LARS2: variants seen among roughly 807,000 people sequenced by gnomAD.
LARS2 encodes the protein leucine--tRNA ligase, mitochondrial.
A neutral mutation model predicts 116.6 loss-of-function variants in LARS2; 81 were observed. The observed-to-expected ratio is 0.69, with a 90% confidence interval of 0.58 to 0.84. LARS2 has a LOEUF of 0.84. LARS2 is among the 40% of genes least tolerant of loss of function. The pLI, the probability that LARS2 is intolerant of heterozygous loss-of-function variation, is 0.00. For missense variants in LARS2, 968 were observed against 1,114.5 expected (o/e 0.87, Z 1.87); for synonymous variants, 396 against 407.2 (o/e 0.97, Z 0.33).
At chr3:45,474,571 T>C (rs1699582108) in intron 9 of LARS2, among the ~76,000 whole-genome samples, 1 of 152,226 alleles carries the variant, frequency 6.6e-6, no homozygotes, top group Non-Finnish European at 1.5e-5. Context: ...AATGATTCCA[T>C]TTAAAGATGG....
At chr3:45,465,290 C>T (rs1181172248) in intron 8 of LARS2, among the ~76,000 whole-genome samples, 3 of 152,220 alleles carry the variant, frequency 2.0e-5, no homozygotes, top group Non-Finnish European at 4.4e-5. Context: ...CTTTTCTCTC[C>T]TAAGCTATTC....
At chr3:45,457,450 G>A (rs910553986) in intron 7 of LARS2, among the ~76,000 whole-genome samples, 13 of 152,160 alleles carry the variant, frequency 8.5e-5, no homozygotes, top group Non-Finnish European at 1.3e-4. Context: ...AGGCCAAGGC[G>A]GGTGGATCAC....
intron 7 of LARS2, among the ~76,000 whole-genome samples, chr3:45,453,436 G>C (rs1415197537): frequency 6.6e-6 from 1 of 152,198 alleles, no homozygotes; most frequent in Non-Finnish European, 1.5e-5. Flanking sequence ...TTATGAGTCT[G>C]TCTTTAGCTG....
At chr3:45,442,964 G>A (rs1698938297) in intron 6 of LARS2, among the ~76,000 whole-genome samples, 1 of 152,024 alleles carries the variant, frequency 6.6e-6, no homozygotes, top group South Asian at 2.1e-4. Flanking sequence ...TTTGTTCTGG[G>A]GACTGTCTTG....
intron 19 of LARS2, among the ~76,000 whole-genome samples, chr3:45,523,640 C>CT (rs1700488557): frequency 1.3e-5 from 2 of 151,840 alleles, no homozygotes; most frequent in African/African-American, 2.4e-5. Context: ...GATCCTCCCA[C>CT]TTCAGCCTCC....
At chr3:45,434,655 C>A (rs1285898004) in intron 6 of LARS2, among the ~76,000 whole-genome samples, 1 of 152,192 alleles carries the variant, frequency 6.6e-6, no homozygotes, top group East Asian at 1.9e-4. Flanking sequence ...TCTATTGAAA[C>A]CGAGATATTT....
intron 19 of LARS2, among the ~76,000 whole-genome samples, chr3:45,521,560 CAT>C (rs1293030145): frequency 5.9e-5 from 9 of 152,120 alleles, no homozygotes; most frequent in Admixed American, 2.6e-4. Flanking sequence ...AAATTTATAA[CAT>C]GTCAGACAGA....
At chr3:45,436,335 G>A (rs1452864306) in intron 6 of LARS2, among the ~76,000 whole-genome samples, 3 of 148,446 alleles carry the variant, frequency 2.0e-5, no homozygotes, top group Admixed American at 1.3e-4. Context: ...TTAAATTAAT[G>A]TTCTTTCTTT....
chr3:45,533,138 A>G (rs1700643241), intron 20 of LARS2, among the ~76,000 whole-genome samples: 1 of 113,710 alleles, frequency 8.8e-6, no homozygotes, highest in Non-Finnish European at 1.8e-5. Context: ...GGTCACATTA[A>G]GTCTTTTTTT....
chr3:45,395,662 C>T (rs1182996954), intron 3 of LARS2, among the ~76,000 whole-genome samples: 2 of 152,156 alleles, frequency 1.3e-5, no homozygotes, highest in Non-Finnish European at 2.9e-5. Context: ...TGCACAAGAC[C>T]ACACCTCTCT....
intron 4 of LARS2, among the ~76,000 whole-genome samples, chr3:45,405,259 G>T (rs1484913199): frequency 6.6e-6 from 1 of 152,120 alleles, no homozygotes; most frequent in Non-Finnish European, 1.5e-5. Context: ...CAACCATCAT[G>T]TCAGGTTTTT....
chr3:45,498,477 A>G (rs1025525917), intron 14 of LARS2, among the ~76,000 whole-genome samples: 1 of 152,252 alleles, frequency 6.6e-6, no homozygotes, highest in Non-Finnish European at 1.5e-5. Context: ...TCACGAAGAA[A>G]AAAAGTGTTT....
chr3:45,409,466 TG>T (rs1698291422), intron 4 of LARS2, among the ~76,000 whole-genome samples: 1 of 152,162 alleles, frequency 6.6e-6, no homozygotes, highest in African/African-American at 2.4e-5. Context: ...TGTACAAGGC[TG>T]GCAAGGGAAG....
intron 20 of LARS2, among the ~76,000 whole-genome samples, chr3:45,529,464 G>A (rs1298430265): frequency 3.3e-5 from 5 of 151,002 alleles, no homozygotes; most frequent in South Asian, 2.1e-4. Flanking sequence ...CAGGAGAATC[G>A]CTTGAACCCA....
In LARS2 at chr3:45,547,332, T is replaced by C; in HGVS notation, c.2533-19T>C. 6.3e-7 allele frequency: 1 copy of C among 1,589,684 alleles called. No homozygotes were observed. The highest frequency in any genetic ancestry group is 8.6e-7 in the Non-Finnish European group (1 of 1,168,332). ...TGAGGATGTTCCTCATTGTTTATCT[T>C]GGCTTTTCTCCTTCTCAGATCAACA... On this transcript the variant is annotated intron_variant, in intron 21 of 21. Transcript: ENST00000645846.
intron 14 of LARS2, among the ~76,000 whole-genome samples, chr3:45,497,369 C>T (rs993548234): frequency 2.0e-5 from 3 of 151,728 alleles, no homozygotes; most frequent in East Asian, 1.9e-4. Context: ...GAATGAGAAC[C>T]GAAAGAAACT....
intron 15 of LARS2, among the ~76,000 whole-genome samples, chr3:45,511,864 G>A (rs545677556): frequency 9.4e-4 from 121 of 129,094 alleles, no homozygotes; most frequent in South Asian, 5.1e-3. Context: ...TGCAACCTCC[G>A]CTTCCTGGGC....
chr3:45,410,887 C>A (rs1368828567), intron 4 of LARS2, among the ~76,000 whole-genome samples: 1 of 152,258 alleles, frequency 6.6e-6, no homozygotes, highest in South Asian at 2.1e-4. Flanking sequence ...TTAAGTTGGA[C>A]ACAGAACAGT....
chr3:45,506,345 C>T (rs1056815030), intron 15 of LARS2, among the ~76,000 whole-genome samples: 1 of 152,036 alleles, frequency 6.6e-6, no homozygotes, highest in Non-Finnish European at 1.5e-5. Flanking sequence ...CAGTCAGCCA[C>T]ACATGAAATG....
Sources: gnomAD v4.1 joint callset for allele counts (sites outside exome capture counted in the v4.1 genomes callset) on GRCh38, gnomAD v4.1.1 for gene constraint, MANE v1.5 for transcripts, NCBI Gene and HGNC (gene_info 2026-07-23, HGNC 2026-07-21) for gene names.